LYSMD4: variants seen among roughly 807,000 people sequenced by gnomAD.
The protein encoded by LYSMD4 is lysM and putative peptidoglycan-binding domain-containing protein 4.
A neutral mutation model predicts 6.1 loss-of-function variants in LYSMD4; 9 were observed. The ratio of observed to expected loss-of-function variants is 1.47; its 90% CI spans 0.88 to 2.56. The LOEUF is 2.56. Among genes scored for constraint, LYSMD4 ranks in the 30% most tolerant of loss-of-function variants. The pLI is 0.00. For synonymous variants in LYSMD4, 143 were observed against 148.5 expected (o/e 0.96, Z 0.27); for missense variants, 384 against 373.5 (o/e 1.03, Z -0.23).
At chr15:99,732,090 G>A (rs2059433104) in intron 1 of LYSMD4, 83 bp from the exon 2 acceptor site, 1 of 1,395,296 alleles carries the variant, frequency 7.2e-7, no homozygotes, top group Non-Finnish European at 9.6e-7. Context: ...TGTCTTGTTA[G>A]AGAGTATTCC....
At position 99,727,415 on chromosome 15, in the gene LYSMD4, CA is replaced by C. The variant is rs765335138; in HGVS notation, c.*1707del. 2 of 152,066 alleles carry C rather than the reference CA, an allele frequency of 1.3e-5. No homozygotes were observed. Among genetic ancestry groups the C allele is most frequent in the Non-Finnish European group, 2.9e-5 (2 of 68,014 alleles). The allele number at this position is 152,066 out of a possible 1,614,324, so 9.4% of individuals were successfully genotyped here. ...AAAAGGGGGAATCAATTTTCCTCCA[CA>C]GAAGAAATAATTTTATTCCATTTGA... is the stretch of plus-strand genomic sequence containing the variant. On this transcript the variant is annotated 3_prime_UTR_variant, in exon 3 of 3. Coordinates refer to ENST00000684762, the MANE Select transcript of LYSMD4 (RefSeq NM_001284417.2).
upstream of LYSMD4, among the ~76,000 whole-genome samples, chr15:99,719,921 T>C (rs1057310928): frequency 6.6e-6 from 1 of 152,194 alleles, no homozygotes; most frequent in African/African-American, 2.4e-5. Context: ...TTCTCTATTA[T>C]GAGTGAGATT....
chr15:99,725,975 A>C (rs2059276532), downstream of LYSMD4, among the ~76,000 whole-genome samples: 1 of 152,042 alleles, frequency 6.6e-6, no homozygotes, highest in Non-Finnish European at 1.5e-5. Context: ...AGTGAGGGTA[A>C]AGTGGGTGAG....
intron 2 of LYSMD4, chr15:99,731,127 A>C (rs1567555864): frequency 7.6e-6 from 12 of 1,574,364 alleles, no homozygotes; most frequent in Non-Finnish European, 1.0e-5. Context: ...AAACAGTTGC[A>C]ATCTAGGAGA....
At chr15:99,715,967 A>T (rs1428216430) in exon 1 of LYSMD4, 1 of 153,476 alleles carries the variant, frequency 6.5e-6, no homozygotes, top group African/African-American at 2.4e-5. Flanking sequence ...AACTAGAAGG[A>T]TAACTAGTAA....
At chr15:99,725,983 G>A (rs1367446448), downstream of LYSMD4, among the ~76,000 whole-genome samples, 1 of 152,064 alleles carries the variant, frequency 6.6e-6, no homozygotes, top group East Asian at 1.9e-4. Flanking sequence ...TAAAGTGGGT[G>A]AGCATATAAA....
chr15:99,731,457 G>A (rs1202178429), intron 2 of LYSMD4: 1 of 1,602,052 alleles, frequency 6.2e-7, no homozygotes, highest in Non-Finnish European at 8.5e-7. Context: ...GAATTTCAGT[G>A]TGGAGAAAAC....
upstream of LYSMD4, among the ~76,000 whole-genome samples, chr15:99,722,314 C>T (rs977465202): frequency 6.6e-6 from 1 of 152,170 alleles, no homozygotes; most frequent in African/African-American, 2.4e-5. Flanking sequence ...GGCCTTGCCC[C>T]GGGAGCAGGG....
chr15:99,727,695 G>A lies in LYSMD4; in HGVS notation c.*1428C>T, dbSNP rs1176427641. ...ATTGAAGATGATTTAATTTGCTAAT[G>A]GAACCCAGGCCAGCTGTTTTTTCAC... On this transcript the variant is annotated 3_prime_UTR_variant, in exon 3 of 3. Transcript: ENST00000684762. The A allele has an allele frequency of 6.6e-6, 1 of 152,240 alleles. No homozygotes were observed. The highest frequency in any genetic ancestry group is 1.5e-5 in the Non-Finnish European group (1 of 68,052). The allele number at this position is 152,240 out of a possible 1,614,324, so 9.4% of individuals were successfully genotyped here.
intron 1 of LYSMD4, 67 bp from the exon 2 acceptor site, chr15:99,732,074 G>C (rs1161227085): frequency 6.9e-7 from 1 of 1,455,784 alleles, no homozygotes; most frequent in Non-Finnish European, 9.2e-7. Flanking sequence ...CTCGTTTAAA[G>C]AGAAGTGTCT....
upstream of LYSMD4, chr15:99,720,824 T>A (rs899002039): frequency 6.6e-6 from 1 of 152,234 alleles, no homozygotes; most frequent in Non-Finnish European, 1.5e-5. Flanking sequence ...CCAGGCACTG[T>A]CGAGGGACCT....
chr15:99,717,192 CTTA>C (rs2059193510), exon 1 of LYSMD4: 1 of 154,172 alleles, frequency 6.5e-6, no homozygotes, highest in African/African-American at 2.4e-5. Flanking sequence ...CGGTGGGGCT[CTTA>C]TTAGCAGGTT....
chr15:99,724,103 T>C (rs2059258939), downstream of LYSMD4, among the ~76,000 whole-genome samples: 2 of 151,044 alleles, frequency 1.3e-5, no homozygotes, highest in Non-Finnish European at 1.5e-5. Context: ...AAAAGAACCA[T>C]CCACTGCCAT....
At chr15:99,723,807 C>A (rs555984875), downstream of LYSMD4, among the ~76,000 whole-genome samples, 1 of 151,686 alleles carries the variant, frequency 6.6e-6, no homozygotes, top group African/African-American at 2.4e-5. Context: ...TCCAACCAAG[C>A]CTCTCCAAAA....
At chr15:99,722,109 A>G (rs765417475), upstream of LYSMD4, among the ~76,000 whole-genome samples, 1 of 152,242 alleles carries the variant, frequency 6.6e-6, no homozygotes. Context: ...AACAGAAAAA[A>G]GTAGGCGGGA....
At chr15:99,731,557 G>A in intron 2 of LYSMD4, 161 bp downstream of exon 2, 1 of 1,531,712 alleles carries the variant, frequency 6.5e-7, no homozygotes, top group South Asian at 1.3e-5. Flanking sequence ...ACTCCCACCT[G>A]CATTCCAATT....
intron 2 of LYSMD4, among the ~76,000 whole-genome samples, chr15:99,730,808 C>G (rs539749502): frequency 6.8e-4 from 103 of 152,348 alleles, no homozygotes; most frequent in Non-Finnish European, 1.2e-3. Flanking sequence ...GAAGCCTACT[C>G]CATCTATTCC....
chr15:99,732,507 C>G (rs2059443002), intron 1 of LYSMD4, among the ~76,000 whole-genome samples: 1 of 152,200 alleles, frequency 6.6e-6, no homozygotes, highest in Admixed American at 6.5e-5. Flanking sequence ...ACTGCTCTTA[C>G]TTTGACACAG....
intron 2 of LYSMD4, chr15:99,731,514 CCT>C: frequency 6.4e-7 from 1 of 1,570,350 alleles, no homozygotes; most frequent in Non-Finnish European, 8.6e-7. Context: ...GCTAACCCTC[CCT>C]CTTTGGGGGC....
Sources: gnomAD v4.1 joint callset for allele counts (sites outside exome capture counted in the v4.1 genomes callset) on GRCh38, gnomAD v4.1.1 for gene constraint, MANE v1.5 for transcripts, NCBI Gene and HGNC (gene_info 2026-07-23, HGNC 2026-07-21) for gene names.